The following SRRM4 variants were observed in gnomAD, a reference collection of about 807,000 sequenced individuals.
SRRM4 encodes serine/arginine repetitive matrix 4, also known as serine/arginine repetitive matrix protein 4.
Under a neutral mutation model 68.9 loss-of-function variants are expected in SRRM4, and 33 were observed. The ratio of observed to expected loss-of-function variants is 0.48; its 90% confidence interval spans 0.36 to 0.64. The LOEUF (loss-of-function observed/expected upper bound fraction) is 0.64, where lower values mean the gene tolerates loss of function less well. Ranked by LOEUF, SRRM4 falls within the 30% of genes least tolerant of loss-of-function variation. The pLI, the probability that SRRM4 is intolerant of heterozygous loss-of-function variation, is 0.00. For synonymous variants in SRRM4, 318 were observed against 318.8 expected, an observed-to-expected ratio of 1.00 and a Z score of 0.03; for missense variants, 817 against 827.1, an observed-to-expected ratio of 0.99 and a Z score of 0.15.
At chr12:119,094,476 A>G (rs1954031375) in intron 1 of SRRM4, among the ~76,000 whole-genome samples, 1 of 152,166 alleles carries the variant, frequency 6.6e-6, no homozygotes, top group African/African-American at 2.4e-5. Flanking sequence ...TGAAGAATCC[A>G]GCCCCTTTCT....
chr12:118,981,804 T>A lies in SRRM4; in HGVS notation c.-79T>A. ...GTTTCACCCGGACAGAGCCGGGAGCTGGGTGTCGCCCCCGTTTGGAATCCA... is the reference window on the plus strand; with the variant it reads ...GTTTCACCCGGACAGAGCCGGGAGCAGGGTGTCGCCCCCGTTTGGAATCCA... On this transcript the variant is annotated 5_prime_UTR_variant, in exon 1 of 13. Coordinates refer to ENST00000267260, the MANE Select transcript of SRRM4 (RefSeq NM_194286.4). 6.6e-7 allele frequency: 1 copy of A among 1,505,998 alleles called. No homozygotes were observed. Among genetic ancestry groups the A allele is most frequent in the Non-Finnish European group, 9.0e-7 (1 of 1,116,496 alleles). The allele number at this position is 1,505,998 out of a possible 1,614,324, so 93.3% of individuals were successfully genotyped here.
chr12:119,058,526 C>T (rs1338394102), intron 1 of SRRM4, among the ~76,000 whole-genome samples: 1 of 152,166 alleles, frequency 6.6e-6, no homozygotes, highest in Non-Finnish European at 1.5e-5. Context: ...AATTTAGGTA[C>T]TTTGAGTCAA....
At chr12:119,050,558 A>C (rs1023936949) in intron 1 of SRRM4, among the ~76,000 whole-genome samples, 80 of 152,224 alleles carry the variant, frequency 5.3e-4, no homozygotes, top group African/African-American at 1.8e-3. Context: ...AGCAGAGTGT[A>C]AGACCTTTAG....
At chr12:119,068,495 G>A (rs75373925) in intron 1 of SRRM4, among the ~76,000 whole-genome samples, 1 of 152,142 alleles carries the variant, frequency 6.6e-6, no homozygotes, top group Non-Finnish European at 1.5e-5. Context: ...GAGAAGAGCT[G>A]GGCAGCTGCA....
chr12:119,065,377 A>C (rs1953839312), intron 1 of SRRM4, among the ~76,000 whole-genome samples: 1 of 152,204 alleles, frequency 6.6e-6, no homozygotes, highest in African/African-American at 2.4e-5. Context: ...CCACTTGACT[A>C]AAGGTTGTTT....
At chr12:119,109,204 T>C (rs190305208) in intron 2 of SRRM4, among the ~76,000 whole-genome samples, 11,690 of 152,206 alleles carry the variant, frequency 0.077, 494 homozygotes, top group Admixed American at 0.1. Flanking sequence ...GTTAGTCTGA[T>C]GGGCTTCCCT....
At chr12:119,105,455 AT>A (rs1482744485) in intron 2 of SRRM4, among the ~76,000 whole-genome samples, 3 of 152,134 alleles carry the variant, frequency 2.0e-5, no homozygotes, top group Non-Finnish European at 2.9e-5. Flanking sequence ...AAGTGTTCCT[AT>A]TTCTCCATAT....
chr12:119,156,412 T>C, intron 12 of SRRM4, 83 bp from the exon 13 acceptor site: 1 of 1,471,984 alleles, frequency 6.8e-7, no homozygotes, highest in East Asian at 2.5e-5. Context: ...AGGATATTGG[T>C]TTCCCTTGGG....
At chr12:119,121,102 C>G (rs1289519973) in intron 5 of SRRM4, among the ~76,000 whole-genome samples, 1 of 152,134 alleles carries the variant, frequency 6.6e-6, no homozygotes, top group Non-Finnish European at 1.5e-5. Context: ...GGGTAACTAC[C>G]CTGATGTCAC....
At chr12:119,130,102 T>G (rs550440375) in intron 7 of SRRM4, among the ~76,000 whole-genome samples, 5 of 151,738 alleles carry the variant, frequency 3.3e-5, no homozygotes, top group South Asian at 4.2e-4. Context: ...GACGGATGAA[T>G]AGATGAATAG....
intron 1 of SRRM4, among the ~76,000 whole-genome samples, chr12:119,042,353 A>G (rs1953675283): frequency 6.6e-6 from 1 of 152,058 alleles, no homozygotes; most frequent in East Asian, 1.9e-4. Context: ...AGACATGTGG[A>G]AGGAACGGAG....
intron 2 of SRRM4, among the ~76,000 whole-genome samples, chr12:119,108,828 G>A (rs949595624): frequency 1.3e-5 from 2 of 152,080 alleles, no homozygotes; most frequent in Admixed American, 6.5e-5. Flanking sequence ...ACATTTTAAG[G>A]TTAATATTGT....
intron 1 of SRRM4, among the ~76,000 whole-genome samples, chr12:119,034,607 T>A (rs1477819164): frequency 6.6e-6 from 1 of 152,252 alleles, no homozygotes; most frequent in Non-Finnish European, 1.5e-5. Context: ...CTGTTTCTCC[T>A]TGTATTTTTA....
intron 1 of SRRM4, among the ~76,000 whole-genome samples, chr12:119,011,168 T>C (rs1378648471): frequency 6.6e-6 from 1 of 152,176 alleles, no homozygotes; most frequent in Non-Finnish European, 1.5e-5. Context: ...TTTCCTCCTG[T>C]GTTAGTTATG....
chr12:118,984,298 C>A (rs1953268237), intron 1 of SRRM4, among the ~76,000 whole-genome samples: 1 of 152,136 alleles, frequency 6.6e-6, no homozygotes, highest in Non-Finnish European at 1.5e-5. Context: ...ACCATGTTTC[C>A]AAAGCTGAGT....
chr12:119,119,756 TG>T (rs1196867594), intron 4 of SRRM4, among the ~76,000 whole-genome samples: 1 of 151,818 alleles, frequency 6.6e-6, no homozygotes, highest in Non-Finnish European at 1.5e-5. Context: ...ACGGTGATGA[TG>T]AGGATGAGGA....
At chr12:119,040,287 T>G (rs1953658269) in intron 1 of SRRM4, among the ~76,000 whole-genome samples, 1 of 152,142 alleles carries the variant, frequency 6.6e-6, no homozygotes, top group African/African-American at 2.4e-5. Flanking sequence ...GAGATCCTGG[T>G]GCACCCATCA....
Position 119,160,809 on chromosome 12 carries a change from A to G in SRRM4, c.*4011A>G, listed in dbSNP as rs139738963. On this transcript the variant is annotated 3_prime_UTR_variant, in exon 13 of 13. Coordinates refer to ENST00000267260, the MANE Select transcript of SRRM4 (RefSeq NM_194286.4). ...CTCAAACATTTTTAGGAGGTTGTCC[A>G]TCATGAAAGTAAAAACGAAAAGCAA... 1.2e-3 allele frequency: 177 copies of G among 152,354 alleles called. No individual in the cohort carries two copies. The highest frequency in any genetic ancestry group is 3.9e-3 in the African/African-American group (164 of 41,576). 9.4% of individuals were successfully genotyped at this position (152,354 alleles called of 1,614,324 possible).
At chr12:118,998,876 G>A (rs578093341) in intron 1 of SRRM4, among the ~76,000 whole-genome samples, 41 of 152,312 alleles carry the variant, frequency 2.7e-4, no homozygotes, top group Non-Finnish European at 4.1e-4. Context: ...CACAGGTGAT[G>A]CCCAATTCAT....
Sources: allele counts gnomAD v4.1 joint callset (sites outside exome capture counted in the v4.1 genomes callset), GRCh38; gene constraint gnomAD v4.1.1; transcripts MANE v1.5; gene names NCBI Gene and HGNC (gene_info 2026-07-23, HGNC 2026-07-21).